The following INTU variants were observed in gnomAD, a reference collection of about 807,000 sequenced individuals.
The protein encoded by INTU is protein inturned.
In INTU, 68 loss-of-function variants were observed where a neutral mutation model predicts 100.5. That is an observed-to-expected ratio of 0.68 (90% CI 0.56 to 0.83). INTU has a LOEUF of 0.83. INTU is among the 40% of genes least tolerant of loss of function. The pLI, the probability that INTU is intolerant of heterozygous loss-of-function variation, is 0.00. For missense variants in INTU, 1,071 were observed against 1,114.7 expected, an observed-to-expected ratio of 0.96 and a Z score of 0.56; for synonymous variants, 357 against 395.7, an observed-to-expected ratio of 0.90 and a Z score of 1.16.
In INTU at chr4:127,643,812, C is replaced by G; in HGVS notation, c.438C>G (p.Ser146=). ...CAGTATCCATTCTAAAGCATCAGTC[C>G]AATCAGAAGACAGGAGTCATTGTCC... ...NGPVSILKHQ[S]NQKTGVIVQQ... is the part of the protein sequence containing the mutation. Residue 146 remains serine (S), a synonymous_variant, in exon 2 of 16, where the codon TCC becomes TCG. Coordinates refer to ENST00000335251, the MANE Select transcript of INTU (RefSeq NM_015693.4). 2 of 1,613,934 alleles carry G rather than the reference C, an allele frequency of 1.2e-6. No individual in the cohort carries two copies. The highest frequency in any genetic ancestry group is 1.7e-6 in the Non-Finnish European group (2 of 1,180,004).
At chr4:127,713,865 T>C in intron 14 of INTU, 71 bp from the exon 15 acceptor site, 1 of 1,111,072 alleles carries the variant, frequency 9.0e-7, no homozygotes, top group South Asian at 1.8e-5. Context: ...CAATTCAGAT[T>C]ACTCTGTGAA....
chr4:127,689,520 C>G lies in INTU; in HGVS notation c.1449+1653C>G, dbSNP rs1281583304. Among the ~76,000 whole-genome samples the G allele has an allele frequency of 2.0e-5, 3 of 151,464 alleles. No individual in the cohort carries two copies. The East Asian group carries it at 5.9e-4, about 30-fold the overall frequency. On this transcript the variant is annotated intron_variant, in intron 8 of 15. Coordinates refer to ENST00000335251, the MANE Select transcript of INTU (RefSeq NM_015693.4). ...TAAACATTAGCAGAGCATGGTGGCA[C>G]ACACCTGTATTCCAGCTACTCAGTA...
intron 2 of INTU, among the ~76,000 whole-genome samples, chr4:127,654,450 T>G (rs996506557): frequency 6.6e-6 from 1 of 152,212 alleles, no homozygotes; most frequent in African/African-American, 2.4e-5. Flanking sequence ...TTTGCTTATC[T>G]GTAAAGTATT....
chr4:127,684,353 A>G (rs1729716257), intron 6 of INTU, 56 bp from the exon 7 acceptor site: 9 of 939,586 alleles, frequency 9.6e-6, no homozygotes, highest in Non-Finnish European at 1.4e-5. Flanking sequence ...TACTTCTTTT[A>G]GATAAATGTC....
rs1274393285 is a variant in INTU, at chr4:127,722,892, C to CTGCT, written c.*6459_*6462dup. 1 of 152,448 alleles carries CTGCT rather than the reference C, an allele frequency of 6.6e-6. No individual in the cohort carries two copies. The highest frequency in any genetic ancestry group is 1.5e-5 in the Non-Finnish European group (1 of 68,254). The allele number at this position is 152,448 out of a possible 1,614,324, so 9.4% of individuals were successfully genotyped here. A position where few individuals can be genotyped will look rare whatever the true frequency, so the allele number is the denominator to read the frequency against. ...CTTATAGAGTTCTGTGAGAGCAAGG[C>CTGCT]TGCTTGGCTCCCTGGCTTCAGCCCC... On this transcript the variant is annotated 3_prime_UTR_variant, in exon 16 of 16. Coordinates refer to ENST00000335251, the MANE Select transcript of INTU (RefSeq NM_015693.4).
At chr4:127,657,166 A>G (rs1354477978) in intron 3 of INTU, among the ~76,000 whole-genome samples, 1 of 151,790 alleles carries the variant, frequency 6.6e-6, no homozygotes, top group Non-Finnish European at 1.5e-5. Context: ...TTTTTTTGTT[A>G]TTTAATTAAG....
chr4:127,712,918 T>C (rs1482300499), intron 14 of INTU, among the ~76,000 whole-genome samples: 2 of 152,158 alleles, frequency 1.3e-5, no homozygotes, highest in Admixed American at 1.3e-4. Context: ...CTTATGAGAC[T>C]CTAATGCCTG....
chr4:127,657,045 T>C (rs1230552520), intron 3 of INTU, among the ~76,000 whole-genome samples: 1 of 152,186 alleles, frequency 6.6e-6, no homozygotes, highest in Non-Finnish European at 1.5e-5. Flanking sequence ...AGAGTCATTT[T>C]AAATAGTCAG....
chr4:127,652,228 T>C (rs534584813), intron 2 of INTU, among the ~76,000 whole-genome samples: 3 of 137,698 alleles, frequency 2.2e-5, no homozygotes, highest in African/African-American at 5.8e-5. Flanking sequence ...TCCTGCCTAA[T>C]TGCCCTGGCC....
chr4:127,689,527 G>A (rs1000026039), intron 8 of INTU, among the ~76,000 whole-genome samples: 1 of 151,646 alleles, frequency 6.6e-6, no homozygotes, highest in African/African-American at 2.4e-5. Flanking sequence ...GCACACACCT[G>A]TATTCCAGCT....
intron 6 of INTU, among the ~76,000 whole-genome samples, chr4:127,682,359 G>T (rs1305551847): frequency 1.3e-5 from 2 of 152,012 alleles, no homozygotes; most frequent in Non-Finnish European, 2.9e-5. Flanking sequence ...CAACCCAAAT[G>T]TCCAACAATG....
At chr4:127,651,623 CT>C (rs1727882988) in intron 2 of INTU, among the ~76,000 whole-genome samples, 1 of 152,058 alleles carries the variant, frequency 6.6e-6, no homozygotes, top group Non-Finnish European at 1.5e-5. Context: ...TTACTGTAGC[CT>C]TGTAGTATAG....
chr4:127,680,065 C>A (rs1183897190), intron 6 of INTU, among the ~76,000 whole-genome samples: 39 of 152,220 alleles, frequency 2.6e-4, no homozygotes, highest in Middle Eastern at 3.4e-3. Context: ...AAGAAGTTGA[C>A]TCTCTGAATA....
At chr4:127,704,381 C>G (rs972615652) in intron 10 of INTU, 91 bp downstream of exon 10, 4 of 966,084 alleles carry the variant, frequency 4.1e-6, no homozygotes, top group Admixed American at 2.1e-5. Flanking sequence ...ATACATTTAT[C>G]TCTTTTCTTT....
intron 6 of INTU, among the ~76,000 whole-genome samples, chr4:127,679,516 T>C (rs1188541005): frequency 3.3e-5 from 5 of 152,012 alleles, no homozygotes; most frequent in Admixed American, 1.3e-4. Context: ...GGGTACATAA[T>C]GAAATGAAGG....
chr4:127,635,886 A>G (rs1464385324), intron 1 of INTU, among the ~76,000 whole-genome samples: 1 of 152,162 alleles, frequency 6.6e-6, no homozygotes, highest in Non-Finnish European at 1.5e-5. Flanking sequence ...TAAAGATGGA[A>G]TTGTGCAGTA....
At chr4:127,639,075 G>A (rs1016775852) in intron 1 of INTU, among the ~76,000 whole-genome samples, 3 of 152,098 alleles carry the variant, frequency 2.0e-5, no homozygotes, top group African/African-American at 7.2e-5. Context: ...TTCCCCTGAT[G>A]TTAACATCTT....
intron 2 of INTU, among the ~76,000 whole-genome samples, chr4:127,646,029 C>A (rs907153939): frequency 1.3e-5 from 2 of 151,832 alleles, no homozygotes; most frequent in Admixed American, 6.6e-5. Flanking sequence ...CTAAAAAATA[C>A]AAAACTTAGC....
chr4:127,653,809 G>A (rs1728032346), intron 2 of INTU, among the ~76,000 whole-genome samples: 2 of 151,812 alleles, frequency 1.3e-5, no homozygotes, highest in Admixed American at 6.5e-5. Flanking sequence ...TCTGTCTAAT[G>A]TTGACAGTGG....
Sources: gnomAD v4.1 joint callset for allele counts (sites outside exome capture counted in the v4.1 genomes callset) on GRCh38, gnomAD v4.1.1 for gene constraint, MANE v1.5 for transcripts, NCBI Gene and HGNC (gene_info 2026-07-23, HGNC 2026-07-21) for gene names.